The following METTL24 variants were observed in gnomAD, a reference collection of about 807,000 sequenced individuals.
The protein encoded by METTL24 is methyltransferase like 24.
Under a neutral mutation model 32.7 loss-of-function variants are expected in METTL24, and 29 were observed. The ratio of observed to expected loss-of-function variants is 0.89; its 90% CI spans 0.66 to 1.21. METTL24 has a LOEUF of 1.21. Ranked by LOEUF, METTL24 falls within the 50% of genes most tolerant of loss-of-function variation. METTL24 has a pLI of 0.00. For missense variants in METTL24, 439 were observed against 468.1 expected (o/e 0.94, Z 0.57); for synonymous variants, 163 against 179.5 (o/e 0.91, Z 0.73).
At chr6:110,279,133 C>T (rs568934116) in intron 4 of METTL24, among the ~76,000 whole-genome samples, 1 of 152,198 alleles carries the variant, frequency 6.6e-6, no homozygotes, top group African/African-American at 2.4e-5. Context: ...AAAACTAGTT[C>T]ATCTCAATGC....
Position 110,253,601 on chromosome 6 carries a change from A to T in METTL24, c.787-7341T>A, listed in dbSNP as rs540491545. ...AAGCAATACATGGTCATTATTTAAAAATTAAAATCATAGATAAACAAAAAA... is the reference window on the plus strand; with the variant it reads ...AAGCAATACATGGTCATTATTTAAATATTAAAATCATAGATAAACAAAAAA... On this transcript the variant is annotated intron_variant, in intron 4 of 4. Coordinates refer to ENST00000338882, the MANE Select transcript of METTL24 (RefSeq NM_001123364.3). Among the ~76,000 whole-genome samples the T allele has an allele frequency of 7.9e-5, 12 of 152,346 alleles. No individual in the cohort carries two copies. In the East Asian group the frequency reaches 9.6e-4, roughly 12 times the overall value.
chr6:110,316,538 C>T (rs778061207), intron 2 of METTL24, among the ~76,000 whole-genome samples: 10 of 152,226 alleles, frequency 6.6e-5, no homozygotes, highest in Non-Finnish European at 1.2e-4. Flanking sequence ...ATGCAAAGAA[C>T]GTTTTGAGAT....
chr6:110,277,495 G>T (rs1005275569), intron 4 of METTL24, among the ~76,000 whole-genome samples: 8 of 152,140 alleles, frequency 5.3e-5, no homozygotes, highest in Non-Finnish European at 8.8e-5. Flanking sequence ...TAGGGAACAG[G>T]ACTCATTTAT....
intron 3 of METTL24, among the ~76,000 whole-genome samples, chr6:110,314,883 G>T (rs561082473): frequency 6.6e-6 from 1 of 152,230 alleles, no homozygotes; most frequent in South Asian, 2.1e-4. Flanking sequence ...AAGATCACTG[G>T]AGCCTGAGAG....
chr6:110,315,316 C>T lies in METTL24; in HGVS notation c.557+26G>A, dbSNP rs200015810. On this transcript the variant is annotated intron_variant, in intron 3 of 4. Transcript: ENST00000338882. ...CTGCCTGAAGCAGTGTTTGTGTTTTCTTCTGCTGTAAAAAAATGTACTCAC... is the reference window on the plus strand; with the variant it reads ...CTGCCTGAAGCAGTGTTTGTGTTTTTTTCTGCTGTAAAAAAATGTACTCAC... The T allele has an allele frequency of 8.7e-6, 14 of 1,613,094 alleles. No individual in the cohort carries two copies. In the East Asian group the frequency reaches 2.9e-4, roughly 33 times the overall value.
At chr6:110,318,935 C>G (rs1180680885) in intron 2 of METTL24, among the ~76,000 whole-genome samples, 1 of 152,166 alleles carries the variant, frequency 6.6e-6, no homozygotes, top group African/African-American at 2.4e-5. Flanking sequence ...TTCTCTGTCT[C>G]TCTTTAATTC....
intron 4 of METTL24, among the ~76,000 whole-genome samples, chr6:110,292,389 T>C (rs182464131): frequency 2.0e-5 from 3 of 152,346 alleles, no homozygotes; most frequent in Admixed American, 6.5e-5. Flanking sequence ...TATCTAACTA[T>C]AGTTTTATTT....
chr6:110,277,653 A>G (rs958133835), intron 4 of METTL24, among the ~76,000 whole-genome samples: 11 of 152,194 alleles, frequency 7.2e-5, no homozygotes, highest in South Asian at 2.1e-4. Context: ...ATAGAAATCT[A>G]AAGTTCCTTT....
At chr6:110,340,514 C>G (rs1772335133) in intron 1 of METTL24, among the ~76,000 whole-genome samples, 1 of 152,142 alleles carries the variant, frequency 6.6e-6, no homozygotes, top group African/African-American at 2.4e-5. Flanking sequence ...TAGGGGAGAC[C>G]TAGGTATCTG....
At chr6:110,329,075 T>C (rs566901814) in intron 1 of METTL24, among the ~76,000 whole-genome samples, 3 of 152,336 alleles carry the variant, frequency 2.0e-5, no homozygotes, top group African/African-American at 7.2e-5. Flanking sequence ...TGAAATTATA[T>C]GATGACTAAT....
intron 4 of METTL24, among the ~76,000 whole-genome samples, chr6:110,290,264 G>A (rs7775841): frequency 0.04 from 6,060 of 152,084 alleles, 181 homozygotes; most frequent in Middle Eastern, 0.082. Context: ...CCACCATAAC[G>A]TACTCAAAAT....
In METTL24 at chr6:110,244,183, CATTATTAGAGATAATGT is replaced by C. The variant is rs1393105500; in HGVS notation, c.*1746_*1762del. Among the ~76,000 whole-genome samples, 9 of 152,194 alleles carry C rather than the reference CATTATTAGAGATAATGT, an allele frequency of 5.9e-5. No individual in the cohort carries two copies. In the East Asian group the frequency reaches 9.6e-4, roughly 16 times the overall value. ...TGGGAGTAAAGAAAAATGCACTTAA[CATTATTAGAGATAATGT>C]ATTTTTTTAAAAAAGATTTGACAGC... On this transcript the variant is annotated 3_prime_UTR_variant, in exon 5 of 5. Coordinates refer to ENST00000338882, the MANE Select transcript of METTL24 (RefSeq NM_001123364.3).
chr6:110,337,674 A>C (rs1772264746), intron 1 of METTL24, among the ~76,000 whole-genome samples: 1 of 152,216 alleles, frequency 6.6e-6, no homozygotes, highest in Non-Finnish European at 1.5e-5. Context: ...GTTACAAAAC[A>C]AATCCTGTTG....
intron 4 of METTL24, among the ~76,000 whole-genome samples, chr6:110,286,697 G>T (rs868522751): frequency 6.6e-6 from 1 of 152,158 alleles, no homozygotes; most frequent in Non-Finnish European, 1.5e-5. Context: ...ACTCAATGTC[G>T]AATTGATCCT....
At chr6:110,343,166 G>C (rs1772393853) in intron 1 of METTL24, among the ~76,000 whole-genome samples, 1 of 152,042 alleles carries the variant, frequency 6.6e-6, no homozygotes, top group Admixed American at 6.5e-5. Context: ...AATAAATATA[G>C]TTCATCAGGA....
intron 4 of METTL24, among the ~76,000 whole-genome samples, chr6:110,248,254 T>C (rs1022360394): frequency 6.6e-6 from 1 of 152,206 alleles, no homozygotes; most frequent in Non-Finnish European, 1.5e-5. Flanking sequence ...GCCTTAGATA[T>C]TTCTTTATAG....
At chr6:110,302,692 T>C (rs1286579941) in intron 3 of METTL24, among the ~76,000 whole-genome samples, 3 of 151,524 alleles carry the variant, frequency 2.0e-5, no homozygotes, top group East Asian at 1.9e-4. Flanking sequence ...TGTATATATA[T>C]ACACATATAT....
At chr6:110,266,135 C>CA (rs1185608405) in intron 4 of METTL24, among the ~76,000 whole-genome samples, 4 of 151,950 alleles carry the variant, frequency 2.6e-5, no homozygotes, top group African/African-American at 9.7e-5. Flanking sequence ...GAACTCCTGG[C>CA]ATCAAGCGAT....
At chr6:110,307,484 G>A (rs1190192754) in intron 3 of METTL24, among the ~76,000 whole-genome samples, 1 of 152,128 alleles carries the variant, frequency 6.6e-6, no homozygotes, top group African/African-American at 2.4e-5. Context: ...CCATCTCAAG[G>A]TCTTAGACAA....
Sources: allele counts gnomAD v4.1 joint callset (sites outside exome capture counted in the v4.1 genomes callset), GRCh38; gene constraint gnomAD v4.1.1; transcripts MANE v1.5; gene names NCBI Gene and HGNC (gene_info 2026-07-23, HGNC 2026-07-21).